The following SPMIP4 variants were observed in gnomAD, a reference collection of about 807,000 sequenced individuals.
SPMIP4 encodes sperm microtubule inner protein 4.
the SPMIP4 span, among the ~76,000 whole-genome samples, chr7:25,138,753 C>G: frequency 6.6e-6 from 1 of 152,078 alleles, no homozygotes; most frequent in Non-Finnish European, 1.5e-5. This position sits in a 1 kb window ranked among gnomAD's most constrained non-coding sequence, Gnocchi z 6.2. Flanking sequence ...ACTACTCTCC[C>G]AAAACAAAAA....
chr7:25,142,213 T>C, the SPMIP4 span: 1 of 1,557,030 alleles, frequency 6.4e-7, no homozygotes, highest in Admixed American at 1.7e-5. Context: ...TCCCCCAAAA[T>C]AACTGAGAGT....
At chr7:25,126,759 GTACT>G in the SPMIP4 span, among the ~76,000 whole-genome samples, 1 of 152,166 alleles carries the variant, frequency 6.6e-6, no homozygotes, top group African/African-American at 2.4e-5. Context: ...GTTTTTCTGT[GTACT>G]TACTATTAGT....
the SPMIP4 span, chr7:25,135,136 G>A: frequency 2.9e-6 from 1 of 349,492 alleles, no homozygotes; most frequent in South Asian, 1.1e-4. Flanking sequence ...GCATATGGGA[G>A]TTAGCCAAAC....
the SPMIP4 span, among the ~76,000 whole-genome samples, chr7:25,164,206 T>C: frequency 2.0e-5 from 3 of 152,034 alleles, no homozygotes; most frequent in African/African-American, 4.8e-5. Flanking sequence ...TTGAGAAAAT[T>C]TGACTCCCTC....
chr7:25,164,409 C>G, the SPMIP4 span, among the ~76,000 whole-genome samples: 2 of 152,162 alleles, frequency 1.3e-5, no homozygotes, highest in East Asian at 3.9e-4. Context: ...ATTTCTGGAA[C>G]CTGGGGAACC....
At chr7:25,167,495 ATTGGCCTGTGACTGTCAGGCC>A in the SPMIP4 span, among the ~76,000 whole-genome samples, 1 of 152,174 alleles carries the variant, frequency 6.6e-6, no homozygotes. Flanking sequence ...AATCTTTCTA[ATTGGCCTGTGACTGTCAGGCC>A]TTTTTATTTG....
At chr7:25,168,533 T>C in the SPMIP4 span, 3 of 1,301,954 alleles carry the variant, frequency 2.3e-6, no homozygotes, top group African/African-American at 4.6e-5. Context: ...CATAACAGAT[T>C]GCATAAAATT....
At chr7:25,174,510 AC>A in the SPMIP4 span, among the ~76,000 whole-genome samples, 1 of 152,226 alleles carries the variant, frequency 6.6e-6, no homozygotes, top group East Asian at 1.9e-4. The surrounding 1 kb of genome is among the most constrained non-coding windows in gnomAD (Gnocchi z 4.5). Flanking sequence ...GCCAGTAACT[AC>A]TAGGAGGCGT....
chr7:25,171,918 G>C, the SPMIP4 span, among the ~76,000 whole-genome samples: 1 of 152,174 alleles, frequency 6.6e-6, no homozygotes, highest in East Asian at 1.9e-4. Flanking sequence ...AGTGGTCCTG[G>C]ATTGGTATTA....
the SPMIP4 span, chr7:25,180,129 C>T: frequency 1.0e-5 from 1 of 97,584 alleles, no homozygotes; most frequent in African/African-American, 3.8e-5. Flanking sequence ...GCGGGCAGGC[C>T]GGGGTGGGGT....
At chr7:25,133,615 C>T in the SPMIP4 span, among the ~76,000 whole-genome samples, 1 of 152,158 alleles carries the variant, frequency 6.6e-6, no homozygotes, top group African/African-American at 2.4e-5. Flanking sequence ...TGTAGATATT[C>T]GGATGTGCCT....
chr7:25,179,071 A>G, the SPMIP4 span: 4 of 1,286,982 alleles, frequency 3.1e-6, no homozygotes, highest in Non-Finnish European at 4.2e-6. Context: ...ACAAACAAGA[A>G]ACAGAAGAGC....
chr7:25,141,574 G>GAAAAAAAAA, the SPMIP4 span, among the ~76,000 whole-genome samples: 1 of 94,962 alleles, frequency 1.1e-5, no homozygotes, highest in African/African-American at 4.2e-5. Flanking sequence ...CTGTCTCAAG[G>GAAAAAAAAA]AAAAAAAAAA....
the SPMIP4 span, among the ~76,000 whole-genome samples, chr7:25,167,103 T>C: frequency 3.3e-5 from 5 of 152,246 alleles, no homozygotes; most frequent in Non-Finnish European, 5.9e-5. Flanking sequence ...GTGCATTTTT[T>C]AATAATTAAA....
the SPMIP4 span, among the ~76,000 whole-genome samples, chr7:25,144,728 T>C: frequency 6.6e-6 from 1 of 152,198 alleles, no homozygotes; most frequent in South Asian, 2.1e-4. Flanking sequence ...CCCTCTAAAG[T>C]GTGGGGCCTT....
At chr7:25,155,380 C>T in the SPMIP4 span, among the ~76,000 whole-genome samples, 2 of 152,078 alleles carry the variant, frequency 1.3e-5, no homozygotes, top group African/African-American at 4.8e-5. Flanking sequence ...ATGTATACCA[C>T]AAAACAGGAC....
the SPMIP4 span, among the ~76,000 whole-genome samples, chr7:25,171,559 A>G: frequency 6.6e-6 from 1 of 152,320 alleles, no homozygotes; most frequent in South Asian, 2.1e-4. Flanking sequence ...CTTCCCACTG[A>G]AAACAACTAA....
chr7:25,135,190 A>G, the SPMIP4 span: 1 of 510,092 alleles, frequency 2.0e-6, no homozygotes, highest in Non-Finnish European at 2.5e-6. Flanking sequence ...GGGCTCTGTA[A>G]TAACTGATAC....
the SPMIP4 span, among the ~76,000 whole-genome samples, chr7:25,158,333 T>C: frequency 3.0e-5 from 4 of 134,788 alleles, no homozygotes; most frequent in East Asian, 8.5e-4. Flanking sequence ...GGCACTACTG[T>C]ACTCCAGCCT....
Sources: allele counts gnomAD v4.1 joint callset (sites outside exome capture counted in the v4.1 genomes callset), GRCh38; gene constraint gnomAD v4.1.1; non-coding constraint Gnocchi (gnomAD v3.1); transcripts MANE v1.5; gene names NCBI Gene and HGNC (gene_info 2026-07-23, HGNC 2026-07-21).